The following DGKI variants were observed in gnomAD, a reference collection of about 807,000 sequenced individuals.
DGKI encodes diacylglycerol kinase iota.
In DGKI, 55 loss-of-function variants were observed where a neutral mutation model predicts 147.5. That is an observed-to-expected ratio of 0.37 (90% CI 0.30 to 0.47). DGKI has a LOEUF of 0.47. DGKI is among the 20% of genes least tolerant of loss of function. The pLI, the probability that DGKI is intolerant of heterozygous loss-of-function variation, is 1.00. For synonymous variants in DGKI, 469 were observed against 477.1 expected (o/e 0.98, Z 0.22); for missense variants, 1,007 against 1,323.8 (o/e 0.76, Z 3.71).
chr7:137,508,525 C>T (rs770909845), intron 21 of DGKI, among the ~76,000 whole-genome samples: 21 of 151,910 alleles, frequency 1.4e-4, no homozygotes, highest in South Asian at 2.1e-4. Flanking sequence ...CATGCCCGGC[C>T]GACAGGTTTC....
chr7:137,474,301 A>G (rs1446862105), intron 23 of DGKI, among the ~76,000 whole-genome samples: 1 of 152,212 alleles, frequency 6.6e-6, no homozygotes, highest in African/African-American at 2.4e-5. Context: ...CTTCACCTAC[A>G]TCGGGACACT....
At chr7:137,679,878 C>T (rs1033918876) in intron 2 of DGKI, among the ~76,000 whole-genome samples, 2 of 150,172 alleles carry the variant, frequency 1.3e-5, no homozygotes, top group African/African-American at 2.5e-5. Context: ...TTAATCCCAG[C>T]TATTCAGGAG....
At chr7:137,841,719 C>T (rs1285545944) in intron 1 of DGKI, among the ~76,000 whole-genome samples, 3 of 151,952 alleles carry the variant, frequency 2.0e-5, no homozygotes, top group Non-Finnish European at 4.4e-5. Flanking sequence ...CCAGGCCAGA[C>T]GAACATACAG....
intron 1 of DGKI, among the ~76,000 whole-genome samples, chr7:137,734,293 A>G (rs190397372): frequency 6.6e-6 from 1 of 152,082 alleles, no homozygotes; most frequent in Non-Finnish European, 1.5e-5. Flanking sequence ...CTAAAAATCT[A>G]CAGAATGACT....
intron 1 of DGKI, among the ~76,000 whole-genome samples, chr7:137,713,189 A>T (rs1319101622): frequency 2.0e-5 from 3 of 152,334 alleles, no homozygotes; most frequent in East Asian, 1.9e-4. Context: ...TTCATGTATG[A>T]TTCACCTGTC....
chr7:137,626,826 T>G (rs116692714), intron 6 of DGKI, among the ~76,000 whole-genome samples: 32 of 152,278 alleles, frequency 2.1e-4, no homozygotes, highest in African/African-American at 7.0e-4. Flanking sequence ...GTTTCTCCCT[T>G]TATTCCTCAC....
At chr7:137,462,180 A>G (rs1441230151) in intron 27 of DGKI, among the ~76,000 whole-genome samples, 1 of 152,110 alleles carries the variant, frequency 6.6e-6, no homozygotes, top group Non-Finnish European at 1.5e-5. Flanking sequence ...TCCAGGCTTA[A>G]TTTCTATTTC....
At chr7:137,544,030 A>G (rs1471272800) in intron 20 of DGKI, among the ~76,000 whole-genome samples, 1 of 152,188 alleles carries the variant, frequency 6.6e-6, no homozygotes, top group Non-Finnish European at 1.5e-5. Flanking sequence ...ATGTAGATAT[A>G]AAATATTTTC....
At chr7:137,588,913 T>A (rs763772369) in intron 12 of DGKI, among the ~76,000 whole-genome samples, 4 of 152,214 alleles carry the variant, frequency 2.6e-5, no homozygotes, top group Admixed American at 2.0e-4. Context: ...AACAGAGAAT[T>A]GGAAAGGTAA....
intron 17 of DGKI, among the ~76,000 whole-genome samples, chr7:137,576,607 T>A (rs1585247957): frequency 1.3e-5 from 2 of 152,114 alleles, no homozygotes; most frequent in African/African-American, 4.8e-5. Flanking sequence ...TCTCTCTCCC[T>A]TGCCCCCAAG....
intron 20 of DGKI, among the ~76,000 whole-genome samples, chr7:137,533,957 T>A (rs957559753): frequency 6.6e-6 from 1 of 152,188 alleles, no homozygotes; most frequent in African/African-American, 2.4e-5. Context: ...TAATTAAATG[T>A]AGCATCAACG....
intron 30 of DGKI, among the ~76,000 whole-genome samples, chr7:137,397,907 T>A (rs1811610782): frequency 6.6e-6 from 1 of 152,244 alleles, no homozygotes; most frequent in South Asian, 2.1e-4. Context: ...ATACTATGCA[T>A]ATACATCAAA....
chr7:137,728,597 A>G (rs903767812), intron 1 of DGKI, among the ~76,000 whole-genome samples: 1 of 152,090 alleles, frequency 6.6e-6, no homozygotes, highest in Non-Finnish European at 1.5e-5. Flanking sequence ...GGGCCTCTCC[A>G]ATCCAGTGGG....
intron 27 of DGKI, among the ~76,000 whole-genome samples, chr7:137,452,499 T>A (rs1361327915): frequency 1.3e-5 from 2 of 152,212 alleles, no homozygotes; most frequent in Non-Finnish European, 2.9e-5. Flanking sequence ...CTCCTTATTG[T>A]GAAGTTCTTG....
chr7:137,623,438 C>T (rs777057204), intron 7 of DGKI, 45 bp downstream of exon 7: 23 of 1,562,008 alleles, frequency 1.5e-5, no homozygotes, highest in South Asian at 4.5e-5. Flanking sequence ...AAGTGTATTT[C>T]GACAAAACAT....
intron 8 of DGKI, 99 bp downstream of exon 8, chr7:137,619,725 G>T: frequency 1.2e-6 from 1 of 853,152 alleles, no homozygotes; most frequent in Admixed American, 1.9e-5. Context: ...AGTGAACTGA[G>T]GTCATAGGAA....
chr7:137,718,304 A>C (rs1263893210), intron 1 of DGKI, among the ~76,000 whole-genome samples: 3 of 152,172 alleles, frequency 2.0e-5, no homozygotes, highest in Admixed American at 1.3e-4. Context: ...CAGGGAGGTT[A>C]TGTAACTTGT....
intron 21 of DGKI, among the ~76,000 whole-genome samples, chr7:137,514,465 A>G (rs1816686043): frequency 1.3e-5 from 2 of 151,998 alleles, no homozygotes; most frequent in Admixed American, 1.3e-4. Context: ...ATCTTACTCA[A>G]CTTCTCTGAA....
chr7:137,705,157 GAATAA>G (rs1793971732), intron 1 of DGKI, among the ~76,000 whole-genome samples: 1 of 151,962 alleles, frequency 6.6e-6, no homozygotes, highest in African/African-American at 2.4e-5. Context: ...GTTGCTGGAA[GAATAA>G]AATAGTAAAT....
Sources: allele counts gnomAD v4.1 joint callset (sites outside exome capture counted in the v4.1 genomes callset), GRCh38; gene constraint gnomAD v4.1.1; transcripts MANE v1.5; gene names NCBI Gene and HGNC (gene_info 2026-07-23, HGNC 2026-07-21).